The following MCM7 variants were observed in gnomAD, a reference collection of about 807,000 sequenced individuals.
MCM7 encodes the protein minichromosome maintenance complex component 7.
MCM7 carries 95 observed loss-of-function variants against 83.5 expected under a neutral mutation model. That is an observed-to-expected ratio of 1.14 (90% confidence interval 0.96 to 1.35). The LOEUF (loss-of-function observed/expected upper bound fraction) is 1.35. Ranked by LOEUF, MCM7 falls within the 40% of genes most tolerant of loss-of-function variation. The pLI is 0.00. For missense variants in MCM7, 1,087 were observed against 957.4 expected (o/e 1.14, Z -1.79); for synonymous variants, 461 against 352.7 (o/e 1.31, Z -3.44).
intron 1 of MCM7, chr7:100,101,017 A>G (rs1418490163): frequency 3.8e-6 from 3 of 783,620 alleles, no homozygotes; most frequent in Non-Finnish European, 5.8e-6. Flanking sequence ...CGCGCCCCCA[A>G]GCCCCCAACC....
Position 100,099,177 on chromosome 7 carries a change from C to T in MCM7, c.428G>A (p.Ser143Asn), listed in dbSNP as rs775122706. ...RFELYFQGPSSNKPRVIREVR... is the reference protein window; with the variant it reads ...RFELYFQGPSNNKPRVIREVR... ...TTCCCGGATCACACGAGGCTTGTTG[C>T]TGCTAGGGCCTTGAAAATACAGCTC... The change falls in exon 5 of 15, where the codon AGC becomes AAC. Residue 143 changes from serine to asparagine, a missense_variant. Physicochemically the swap from Ser to Asn is conservative, Grantham distance 46 (BLOSUM62 1). Coordinates refer to ENST00000303887, the MANE Select transcript of MCM7 (RefSeq NM_005916.5). The T allele has an allele frequency of 2.5e-6, 4 of 1,614,140 alleles. No individual in the cohort carries two copies. Among genetic ancestry groups the T allele is most frequent in the Admixed American group, 3.3e-5 (2 of 60,000 alleles).
chr7:100,098,809 C>A, intron 5 of MCM7, 94 bp from the exon 6 acceptor site: 1 of 1,527,250 alleles, frequency 6.5e-7, no homozygotes, highest in Non-Finnish European at 9.0e-7. Context: ...TCATGGCAGA[C>A]ATCTTGTAAG....
chr7:100,100,484 GCCACCGCACCCCA>G (rs200992746), intron 1 of MCM7: 3 of 928,816 alleles, frequency 3.2e-6, no homozygotes, highest in African/African-American at 3.8e-5. Context: ...ACCGCACCCC[GCCACCGCACCCCA>G]CCCCCGCTCC....
chr7:100,094,405 ATGT>A, intron 12 of MCM7, 64 bp from the exon 13 acceptor site: 2 of 1,588,792 alleles, frequency 1.3e-6, no homozygotes, highest in Non-Finnish European at 1.7e-6. Context: ...ATATGAGCCC[ATGT>A]TGTTTTCTGT....
intron 10 of MCM7, among the ~76,000 whole-genome samples, chr7:100,096,703 A>T (rs1417160217): frequency 2.0e-5 from 3 of 151,910 alleles, no homozygotes; most frequent in Non-Finnish European, 4.4e-5. Context: ...TGAACCTGGG[A>T]GGCAGAGGTT....
In MCM7 at chr7:100,093,085, G is replaced by A. The variant is rs745633629; in HGVS notation, c.2007C>T (p.Val669=). 8 of 1,614,210 alleles carry A rather than the reference G, an allele frequency of 5.0e-6. No individual in the cohort carries two copies. Among genetic ancestry groups the A allele is most frequent in the Non-Finnish European group, 6.8e-6 (8 of 1,180,036 alleles). Reference sequence around the variant, plus strand: ...AGAACCGGACACTTCGGCCCCCTGAGACCAGTTCACGGACGGTGGCAAATA... The same window carrying A: ...AGAACCGGACACTTCGGCCCCCTGAAACCAGTTCACGGACGGTGGCAAATA... ...DVIFATVREL[V]SGGRSVRFSE... is the part of the protein sequence containing the mutation. The change falls in exon 15 of 15, where the codon GTC becomes GTT. Residue 669 remains valine, a synonymous_variant. Coordinates refer to ENST00000303887, the MANE Select transcript of MCM7 (RefSeq NM_005916.5).
In MCM7 at chr7:100,099,418, C is replaced by CAAAAAAAAAAAAAAA. The variant is rs749189763; in HGVS notation, c.277-30_277-16dup. ...TTATTTACCACCTAAAGGAGAAGAACAAAAAAAAAAAAAAAAAAGAGCAAC... is the reference window on the plus strand; with the variant it reads ...TTATTTACCACCTAAAGGAGAAGAACAAAAAAAAAAAAAAAAAAAAAAAAAAAAAAAAAGAGCAAC... On this transcript the variant is annotated splice_polypyrimidine_tract_variant and intron_variant, in intron 3 of 14. Coordinates refer to ENST00000303887, the MANE Select transcript of MCM7 (RefSeq NM_005916.5). 1,522 of 1,303,046 alleles carry CAAAAAAAAAAAAAAA rather than the reference C, an allele frequency of 1.2e-3. 7 individuals carry two copies. Among genetic ancestry groups the CAAAAAAAAAAAAAAA allele is most frequent in the South Asian group, 2.0e-3 (126 of 62,254 alleles). 80.7% of individuals were successfully genotyped at this position (1,303,046 alleles called of 1,614,324 possible). A position where few individuals can be genotyped will look rare whatever the true frequency, so the allele number is the denominator to read the frequency against.
intron 1 of MCM7, chr7:100,101,015 C>CA: frequency 2.5e-6 from 2 of 795,134 alleles, no homozygotes; most frequent in Non-Finnish European, 1.9e-6. Context: ...AGCGCGCCCC[C>CA]AAGCCCCCAA....
At chr7:100,099,982 T>A (rs1795872488) in intron 2 of MCM7, 32 bp downstream of exon 2, 2 of 1,589,444 alleles carry the variant, frequency 1.3e-6, no homozygotes, top group Non-Finnish European at 1.7e-6. Context: ...AGCACCCCGC[T>A]CCCCATTCCC....
intron 1 of MCM7, among the ~76,000 whole-genome samples, chr7:100,101,047 A>G (rs1795991248): frequency 6.6e-6 from 1 of 151,804 alleles, no homozygotes. Context: ...TAACACCTTT[A>G]CCAGGTGGGA....
In MCM7 at chr7:100,100,481, C is replaced by A. The variant is rs1045883173; in HGVS notation, c.32-388G>T. 6.6e-6 allele frequency: 6 copies of A among 912,664 alleles called. No homozygotes were observed. In the East Asian group the frequency reaches 6.4e-4, roughly 97 times the overall value. 56.5% of individuals were successfully genotyped at this position (912,664 alleles called of 1,614,324 possible). On this transcript the variant is annotated intron_variant, in intron 1 of 14. Transcript: ENST00000303887. ...TTCACCGGGACCTCCGCCACCGCAC[C>A]CCGCCACCGCACCCCACCCCCGCTC...
At position 100,099,283 on chromosome 7, in the gene MCM7, T is replaced by C. The variant is rs1410990913; in HGVS notation, c.397A>G (p.Arg133Gly). ...TTCCCGACAGAGACCACTCACAATC[T>C]GCGCATGAGTTCAGCAGGGTACTGG... The part of the protein sequence containing the change: ...QNQYPAELMR[R>G]FELYFQGPSS... Residue 133 changes from arginine (R) to glycine (G), a missense_variant, in exon 4 of 15, where the codon AGA (arginine) becomes GGA (glycine). Physicochemically the swap from Arg to Gly is moderately radical, Grantham distance 125 (BLOSUM62 -2). Transcript: ENST00000303887. The C allele has an allele frequency of 1.5e-5, 24 of 1,614,008 alleles. No individual in the cohort carries two copies. Among genetic ancestry groups the C allele is most frequent in the Non-Finnish European group, 1.9e-5 (23 of 1,180,026 alleles).
At chr7:100,098,035 G>A (rs1795736482) in intron 7 of MCM7, 87 bp from the exon 8 acceptor site, 1 of 1,575,942 alleles carries the variant, frequency 6.3e-7, no homozygotes, top group Admixed American at 1.7e-5. Context: ...ACAAATCCCT[G>A]GGTTCTGTTT....
At chr7:100,099,809 T>C in intron 2 of MCM7, 56 bp from the exon 3 acceptor site, 2 of 1,596,612 alleles carry the variant, frequency 1.3e-6, no homozygotes, top group South Asian at 1.1e-5. Context: ...TGCTCACCAG[T>C]GTTCATATGT....
intron 6 of MCM7, 89 bp from the exon 7 acceptor site, chr7:100,098,379 C>G: frequency 6.5e-7 from 1 of 1,536,472 alleles, no homozygotes. Flanking sequence ...GGCTCCCAGG[C>G]TACCCAGCCA....
chr7:100,094,758 C>T (rs536232282), intron 12 of MCM7, among the ~76,000 whole-genome samples: 1 of 152,278 alleles, frequency 6.6e-6, no homozygotes, highest in East Asian at 1.9e-4. Context: ...TAGAGATTAT[C>T]ATCCAGAATG....
In MCM7 at chr7:100,097,883, A is replaced by G. The variant is rs144387614; in HGVS notation, c.936T>C (p.Asp312=). 1.2e-6 allele frequency: 2 copies of G among 1,614,038 alleles called. No individual in the cohort carries two copies. Residue 312 remains aspartate, a synonymous_variant, in exon 8 of 15, where the codon GAT becomes GAC. Coordinates refer to ENST00000303887, the MANE Select transcript of MCM7 (RefSeq NM_005916.5). The part of the protein sequence containing the change: ...RIVKMNKSED[D]ESGAGELTRE... ...TGGTGAGCTCTCCAGCCCCAGACTC[A>G]TCATCCTCACTCTTGTTCATCTTCA...
In MCM7 at chr7:100,095,984, A is replaced by G; in HGVS notation, c.1385T>C (p.Met462Thr). ...EADRTAIHEV[M>T]EQQTISIAKA... ...GGCAATGGAGATGGTCTGCTGCTCC[A>G]TGACCTCGTGGATGGCTGTGCGGTC... The change falls in exon 11 of 15, where the codon ATG becomes ACG. Residue 462 changes from methionine (M) to threonine (T), a missense_variant. Met to Thr is a moderately conservative substitution (Grantham distance 81). Transcript: ENST00000303887. 3 of 1,614,076 alleles carry G rather than the reference A, an allele frequency of 1.9e-6. No homozygotes were observed. The highest frequency in any genetic ancestry group is 1.3e-5 in the African/African-American group (1 of 75,016).
Position 100,097,751 on chromosome 7 carries a change from G to A in MCM7, c.986-6C>T, listed in dbSNP as rs780200217. 7 of 1,614,028 alleles carry A rather than the reference G, an allele frequency of 4.3e-6. No individual in the cohort carries two copies. Among genetic ancestry groups the A allele is most frequent in the Admixed American group, 3.3e-5 (2 of 60,006 alleles). On this transcript the variant is annotated splice_region_variant and splice_polypyrimidine_tract_variant and intron_variant, in intron 8 of 14. Transcript: ENST00000303887. ...CTTTTCGTAGAAATCCTCCTCTGTAGAGAAGTTAAGGTTGTTTTATTTTCT... is the reference window on the plus strand; with the variant it reads ...CTTTTCGTAGAAATCCTCCTCTGTAAAGAAGTTAAGGTTGTTTTATTTTCT...
Sources: gnomAD v4.1 joint callset for allele counts (sites outside exome capture counted in the v4.1 genomes callset) on GRCh38, gnomAD v4.1.1 for gene constraint, MANE v1.5 for transcripts, NCBI Gene and HGNC (gene_info 2026-07-23, HGNC 2026-07-21) for gene names.